The following PTPN12 variants were observed in gnomAD, a reference collection of about 807,000 sequenced individuals.
PTPN12 encodes protein tyrosine phosphatase non-receptor type 12, also known as tyrosine-protein phosphatase non-receptor type 12.
In PTPN12, 29 loss-of-function variants were observed where a neutral mutation model predicts 97.6. The observed-to-expected ratio is 0.30, with a 90% confidence interval of 0.22 to 0.41. The LOEUF is 0.41. Among genes scored for constraint, PTPN12 ranks in the 10% least tolerant of loss-of-function variants. PTPN12 has a pLI of 1.00. For synonymous variants in PTPN12, 327 were observed against 300.4 expected (o/e 1.09, Z -0.91); for missense variants, 819 against 926.0 (o/e 0.88, Z 1.50).
intron 2 of PTPN12, among the ~76,000 whole-genome samples, chr7:77,577,752 A>T (rs921459575): frequency 2.0e-5 from 3 of 152,208 alleles, no homozygotes; most frequent in Admixed American, 1.3e-4. Context: ...AGTGACTACC[A>T]AATTTGCCTG....
At chr7:77,565,181 C>T (rs919206757) in intron 1 of PTPN12, among the ~76,000 whole-genome samples, 37 of 151,970 alleles carry the variant, frequency 2.4e-4, no homozygotes, top group African/African-American at 8.9e-4. Flanking sequence ...CATCTTATTC[C>T]GAAAGGAATT....
chr7:77,617,889 G>C (rs1430790206), intron 11 of PTPN12, among the ~76,000 whole-genome samples: 1 of 152,084 alleles, frequency 6.6e-6, no homozygotes, highest in Non-Finnish European at 1.5e-5. Flanking sequence ...TCTGGGGATG[G>C]GCTCTGTCTG....
intron 14 of PTPN12, among the ~76,000 whole-genome samples, chr7:77,633,933 G>A (rs1048153983): frequency 1.3e-5 from 2 of 152,014 alleles, no homozygotes; most frequent in Non-Finnish European, 2.9e-5. Flanking sequence ...TGAGGCAGGA[G>A]AATTGCTTGA....
chr7:77,566,798 A>T (rs1808281204), intron 1 of PTPN12, among the ~76,000 whole-genome samples: 1 of 152,132 alleles, frequency 6.6e-6, no homozygotes, highest in Non-Finnish European at 1.5e-5. Flanking sequence ...GCTTTTTTTT[A>T]AAAAGTCACA....
intron 2 of PTPN12, among the ~76,000 whole-genome samples, chr7:77,578,656 A>G (rs1787412676): frequency 6.6e-6 from 1 of 152,188 alleles, no homozygotes; most frequent in East Asian, 1.9e-4. Flanking sequence ...TTTGCTAAGA[A>G]GTTTATTCAT....
intron 8 of PTPN12, 108 bp from the exon 9 acceptor site, chr7:77,607,127 A>T (rs371127363): frequency 2.2e-6 from 2 of 891,480 alleles, no homozygotes; most frequent in East Asian, 5.5e-5. Flanking sequence ...AATTTTGTCA[A>T]ACTTCTTAAA....
chr7:77,628,102 T>C (rs1789266990), intron 13 of PTPN12, among the ~76,000 whole-genome samples: 1 of 152,244 alleles, frequency 6.6e-6, no homozygotes. Context: ...CATTTTTTAC[T>C]GTTCCTTTAA....
intron 3 of PTPN12, 23 bp downstream of exon 3, chr7:77,581,526 G>A (rs1343162259): frequency 7.0e-7 from 1 of 1,418,692 alleles, no homozygotes; most frequent in South Asian, 1.3e-5. Flanking sequence ...TTTAAATGGT[G>A]TTTCTCTGCC....
intron 5 of PTPN12, among the ~76,000 whole-genome samples, chr7:77,589,622 T>C (rs1787802306): frequency 1.3e-5 from 2 of 152,188 alleles, no homozygotes; most frequent in South Asian, 4.1e-4. Flanking sequence ...GAAGCCTTAA[T>C]TTATTCCATT....
intron 15 of PTPN12, 88 bp downstream of exon 15, chr7:77,635,937 C>G: frequency 2.5e-6 from 2 of 813,644 alleles, no homozygotes; most frequent in Non-Finnish European, 1.9e-6. Context: ...TAGCTGTCAT[C>G]TTAAGATCGT....
In PTPN12 at chr7:77,636,164, A is replaced by C. The variant is rs73706229; in HGVS notation, c.2142+315A>C. ...GAATGAAATAGGAGTTACTATTTTC[A>C]GGGTCCTAATTCTTTCTTACATTTC... is the stretch of plus-strand genomic sequence containing the variant. On this transcript the variant is annotated intron_variant, in intron 15 of 17. Coordinates refer to ENST00000248594, the MANE Select transcript of PTPN12 (RefSeq NM_002835.4). 7.3e-3 allele frequency among the ~76,000 whole-genome samples: 1,119 copies of C among 152,278 alleles called. 14 individuals are homozygous for C. The highest frequency in any genetic ancestry group is 0.025 in the African/African-American group (1,054 of 41,548).
intron 2 of PTPN12, among the ~76,000 whole-genome samples, chr7:77,572,472 C>T (rs1474582022): frequency 6.6e-6 from 1 of 152,130 alleles, no homozygotes; most frequent in African/African-American, 2.4e-5. Flanking sequence ...TTTTAAAACA[C>T]CTCTTCCCTC....
intron 1 of PTPN12, among the ~76,000 whole-genome samples, chr7:77,561,169 C>T (rs2047596274): frequency 1.3e-5 from 2 of 152,190 alleles, no homozygotes; most frequent in Non-Finnish European, 2.9e-5. Flanking sequence ...AAGCGATCCT[C>T]CTGCCTTGGC....
Position 77,583,478 on chromosome 7 carries a change from T to C in PTPN12, c.286-77T>C, listed in dbSNP as rs1787587360. The C allele has an allele frequency of 3.3e-6, 3 of 912,070 alleles. 1 individual carries two copies. The highest frequency in any genetic ancestry group is 5.2e-6 in the Non-Finnish European group (3 of 578,470). The allele number at this position is 912,070 out of a possible 1,614,324, so 56.5% of individuals were successfully genotyped here. ...AAACAACAATATTACTAATACAATTTGAAACCTTATATTTTGGGTAATGAA... is the reference window on the plus strand; with the variant it reads ...AAACAACAATATTACTAATACAATTCGAAACCTTATATTTTGGGTAATGAA... On this transcript the variant is annotated intron_variant, in intron 3 of 17. Transcript: ENST00000248594.
intron 5 of PTPN12, among the ~76,000 whole-genome samples, chr7:77,587,385 A>T (rs1584150306): frequency 6.6e-6 from 1 of 151,482 alleles, no homozygotes; most frequent in African/African-American, 2.4e-5. Flanking sequence ...TTTGAAAGGA[A>T]TTTTTTTTTC....
chr7:77,623,905 G>A (rs956659884), intron 12 of PTPN12, among the ~76,000 whole-genome samples: 2 of 152,016 alleles, frequency 1.3e-5, no homozygotes, highest in East Asian at 3.9e-4. Flanking sequence ...AATTGTAGGA[G>A]GTGTCTGCAA....
At chr7:77,610,921 T>C (rs1297337313) in intron 10 of PTPN12, 27 bp from the exon 11 acceptor site, 1 of 1,586,738 alleles carries the variant, frequency 6.3e-7, no homozygotes, top group East Asian at 2.2e-5. Context: ...TTTCATTTTG[T>C]TTTTTAATCA....
chr7:77,593,805 T>C (rs551848752), intron 6 of PTPN12, among the ~76,000 whole-genome samples: 88 of 152,370 alleles, frequency 5.8e-4, no homozygotes, highest in African/African-American at 1.1e-3. Flanking sequence ...CCAGCCAAGT[T>C]GACAGATAAA....
intron 8 of PTPN12, among the ~76,000 whole-genome samples, chr7:77,605,163 ATCTT>A (rs1395242816): frequency 3.3e-5 from 5 of 152,246 alleles, no homozygotes; most frequent in Non-Finnish European, 4.4e-5. Context: ...GTTTTAAAAA[ATCTT>A]TCTAGGTTGT....
Sources: allele counts gnomAD v4.1 joint callset (sites outside exome capture counted in the v4.1 genomes callset), GRCh38; gene constraint gnomAD v4.1.1; transcripts MANE v1.5; gene names NCBI Gene and HGNC (gene_info 2026-07-23, HGNC 2026-07-21).